The following SH3TC1 variants were observed in gnomAD, a reference collection of about 807,000 sequenced individuals.
The protein encoded by SH3TC1 is SH3 domain and tetratricopeptide repeats 1.
Under a neutral mutation model 117.3 loss-of-function variants are expected in SH3TC1, and 135 were observed. The ratio of observed to expected loss-of-function variants is 1.15; its 90% CI spans 1.00 to 1.33. The LOEUF (loss-of-function observed/expected upper bound fraction) is 1.33. SH3TC1 is among the 40% of genes most tolerant of loss of function. The pLI, the probability that SH3TC1 is intolerant of heterozygous loss-of-function variation, is 0.00. For synonymous variants in SH3TC1, 898 were observed against 816.9 expected (o/e 1.10, Z -1.69); for missense variants, 2,092 against 1,794.3 (o/e 1.17, Z -3.00).
At chr4:8,232,185 CGGGGGGA>C in intron 13 of SH3TC1, 29 bp downstream of exon 13, 1 of 312,648 alleles carries the variant, frequency 3.2e-6, no homozygotes, top group Non-Finnish European at 4.3e-6. Flanking sequence ...GTGGTGGGGG[CGGGGGGA>C]GGGGGCAAAG....
At chr4:8,197,827 C>A (rs73077980), upstream of SH3TC1, among the ~76,000 whole-genome samples, 469 of 152,334 alleles carry the variant, frequency 3.1e-3, 3 homozygotes, top group African/African-American at 0.011. Flanking sequence ...GTGCAGGATG[C>A]AGGGACTTGA....
rs764211665 is a variant in SH3TC1, at chr4:8,206,413, C to T, written c.172+1047C>T. ...AGGGGCTGCGCTGTGCCCAGGGCCACGAGTGCACAAGGAGACTGAGACGCG... is the reference window on the plus strand; with the variant it reads ...AGGGGCTGCGCTGTGCCCAGGGCCATGAGTGCACAAGGAGACTGAGACGCG... On this transcript the variant is annotated intron_variant, in intron 2 of 17. Transcript: ENST00000245105. The surrounding 1 kb of genome is among the most constrained non-coding windows in gnomAD (Gnocchi z 5.5). 7.9e-5 allele frequency among the ~76,000 whole-genome samples: 12 copies of T among 151,964 alleles called. No individual in the cohort carries two copies. The highest frequency in any genetic ancestry group is 2.0e-4 in the Admixed American group (3 of 15,282).
At chr4:8,233,090 A>G (rs1721394531) in intron 13 of SH3TC1, 4 of 1,293,580 alleles carry the variant, frequency 3.1e-6, no homozygotes, top group Non-Finnish European at 3.9e-6. Context: ...GACACAGGCC[A>G]TGTCTGGGAC....
chr4:8,224,044 T>TACACGCAC (rs1347203078), intron 10 of SH3TC1, among the ~76,000 whole-genome samples: 1 of 62,628 alleles, frequency 1.6e-5, no homozygotes, highest in Admixed American at 1.9e-4. Context: ...CTCACAAGTA[T>TACACGCAC]ACACACACAC....
intron 9 of SH3TC1, among the ~76,000 whole-genome samples, chr4:8,222,407 T>C (rs1217834979): frequency 7.6e-6 from 1 of 131,250 alleles, no homozygotes; most frequent in East Asian, 2.7e-4. Context: ...AAAGTCTTGC[T>C]CTGTCACCCA....
At chr4:8,208,108 T>C (rs886258115) in intron 2 of SH3TC1, among the ~76,000 whole-genome samples, 11 of 152,186 alleles carry the variant, frequency 7.2e-5, no homozygotes, top group Non-Finnish European at 1.3e-4. Flanking sequence ...GCAACCCTCA[T>C]CCAACCCTTC....
rs140721075 is a variant in SH3TC1, at chr4:8,192,771, C to T, written c.-57+10561C>T. Among the ~76,000 whole-genome samples, 2,434 of 152,286 alleles carry T rather than the reference C, an allele frequency of 0.016. 70 individuals are homozygous for T. Among genetic ancestry groups the T allele is most frequent in the African/African-American group, 0.055 (2,291 of 41,544 alleles). ...TCTCCCTAAGTGCTGGGATTACAGG[C>T]GTGAGCCACGGTGCCCGGCCCACTT... On this transcript the variant is annotated intron_variant, in intron 1 of 16. Transcript: ENST00000508641. This position sits in a 1 kb window ranked among gnomAD's most constrained non-coding sequence, Gnocchi z 4.1.
intron 17 of SH3TC1, among the ~76,000 whole-genome samples, 171 bp downstream of exon 17, chr4:8,237,841 C>A (rs956717349): frequency 3.3e-5 from 5 of 152,112 alleles, no homozygotes; most frequent in Non-Finnish European, 2.9e-5. Context: ...CAACCCAGCT[C>A]CCGAGCGGCC....
At chr4:8,239,507 C>G (rs1722142212) in intron 17 of SH3TC1, among the ~76,000 whole-genome samples, 1 of 151,186 alleles carries the variant, frequency 6.6e-6, no homozygotes, top group Non-Finnish European at 1.5e-5. Flanking sequence ...CGCAAATGCA[C>G]CCAGGCACAT....
rs1491095306 is a variant in SH3TC1 at position 8,206,868 on chromosome 4, T to TGTGTGTGA, written c.172+1503_172+1504insTGTGTGAG. Among the ~76,000 whole-genome samples the TGTGTGTGA allele has an allele frequency of 1.3e-5, 2 of 150,204 alleles. No homozygotes were observed. Among genetic ancestry groups the TGTGTGTGA allele is most frequent in the African/African-American group, 4.9e-5 (2 of 40,510 alleles). On this transcript the variant is annotated intron_variant, in intron 2 of 17. Transcript: ENST00000245105. This position sits in a 1 kb window ranked among gnomAD's most constrained non-coding sequence, Gnocchi z 5.5. ...GTGTGTGTGTGTGTGTGTGTGTGTG[T>TGTGTGTGA]GATTTTCTTCTGATCCTTTTGGGAG... is the stretch of plus-strand genomic sequence containing the variant.
In SH3TC1 at chr4:8,209,581, C is replaced by T. The variant is rs1705614911; in HGVS notation, c.173-167C>T. The T allele has an allele frequency of 6.6e-7, 1 of 1,506,362 alleles. No individual in the cohort carries two copies. The highest frequency in any genetic ancestry group is 1.7e-4 in the Middle Eastern group (1 of 5,826). The allele number at this position is 1,506,362 out of a possible 1,614,324, so 93.3% of individuals were successfully genotyped here. A position where few individuals can be genotyped will look rare whatever the true frequency, so the allele number is the denominator to read the frequency against. On this transcript the variant is annotated intron_variant, in intron 2 of 17. Transcript: ENST00000245105. The surrounding 1 kb of genome is among the most constrained non-coding windows in gnomAD (Gnocchi z 5.9). ...CTGGGAAGTGCAGGCAGCTTCCCTC[C>T]TTGCTGGGCTCTGGGGAGACTGGAG... is the stretch of plus-strand genomic sequence containing the variant.
chr4:8,219,571 C>G, intron 9 of SH3TC1, 41 bp downstream of exon 9: 6 of 1,461,368 alleles, frequency 4.1e-6, no homozygotes, highest in Admixed American at 2.6e-5. Flanking sequence ...AACCCACCCC[C>G]ATCTCACCTA....
chr4:8,233,223 G>C, intron 13 of SH3TC1, 140 bp from the exon 14 acceptor site: 4 of 1,420,974 alleles, frequency 2.8e-6, no homozygotes, highest in Non-Finnish European at 3.7e-6. Context: ...TCAGCAGCCC[G>C]GGAAGGGCAG....
At chr4:8,202,095 T>A (rs1005812869) in intron 1 of SH3TC1, among the ~76,000 whole-genome samples, 1 of 152,126 alleles carries the variant, frequency 6.6e-6, no homozygotes, top group African/African-American at 2.4e-5. Flanking sequence ...GGAGAGGAGA[T>A]GGGAAGACAG....
In SH3TC1 at chr4:8,225,206, G is replaced by A. The variant is rs376981247; in HGVS notation, c.1275G>A (p.Pro425=). 17 of 1,613,640 alleles carry A rather than the reference G, an allele frequency of 1.1e-5. No individual in the cohort carries two copies. Among genetic ancestry groups the A allele is most frequent in the Admixed American group, 3.3e-5 (2 of 59,970 alleles). ...TAGAGGAAGCTGAGACCGAGCAGCC[G>A]CAGGAAAAAGGTGGGTTTTGCCAGT... ...DSVEEAETEQ[P]QEKEIPPPCL... Residue 425 remains proline (P), a synonymous_variant, in exon 11 of 18, where the codon CCG becomes CCA. Transcript: ENST00000245105. This position sits in a 1 kb window ranked among gnomAD's most constrained non-coding sequence, Gnocchi z 5.5.
At chr4:8,204,497 C>A (rs528195694) in intron 1 of SH3TC1, among the ~76,000 whole-genome samples, 3 of 152,176 alleles carry the variant, frequency 2.0e-5, no homozygotes, top group Non-Finnish European at 4.4e-5. Context: ...GCAGGGTGGA[C>A]CTTTCCCCAC....
At chr4:8,235,401 T>C in intron 14 of SH3TC1, 32 bp from the exon 15 acceptor site, 1 of 1,450,916 alleles carries the variant, frequency 6.9e-7, no homozygotes, top group Non-Finnish European at 9.2e-7. Context: ...TCACCAGGTG[T>C]GGGTCTTGAG....
At chr4:8,232,411 A>G (rs1286108016) in intron 13 of SH3TC1, 1 of 1,567,926 alleles carries the variant, frequency 6.4e-7, no homozygotes, top group South Asian at 1.1e-5. Flanking sequence ...CCCAAAGGTC[A>G]TCTCAACCCC....
chr4:8,229,096 C>G (rs1720873435), intron 12 of SH3TC1: 1 of 164,104 alleles, frequency 6.1e-6, no homozygotes, highest in African/African-American at 2.4e-5. Context: ...ACAGAGGACG[C>G]AGGGGCGGGT....
Sources: allele counts gnomAD v4.1 joint callset (sites outside exome capture counted in the v4.1 genomes callset), GRCh38; gene constraint gnomAD v4.1.1; non-coding constraint Gnocchi (gnomAD v3.1); transcripts MANE v1.5; gene names NCBI Gene and HGNC (gene_info 2026-07-23, HGNC 2026-07-21).